NPFFR2: variants seen among roughly 807,000 people sequenced by gnomAD.
The protein encoded by NPFFR2 is neuropeptide FF receptor 2, also known as G-protein coupled receptor 74.
A neutral mutation model predicts 13.1 loss-of-function variants in NPFFR2; 15 were observed. The observed-to-expected ratio is 1.15, with a 90% CI of 0.77 to 1.76. NPFFR2 has a LOEUF of 1.76. NPFFR2 is among the 40% of genes most tolerant of loss of function. The probability of loss-of-function intolerance (pLI) is 0.00; values close to 1 mark genes in which losing one functional copy is unlikely to be tolerated. For missense variants in NPFFR2, 572 were observed against 503.5 expected (o/e 1.14, Z -1.30); for synonymous variants, 190 against 175.7 (o/e 1.08, Z -0.65).
At chr4:72,036,749 G>C (rs1439278699) in intron 1 of NPFFR2, among the ~76,000 whole-genome samples, 9 of 151,654 alleles carry the variant, frequency 5.9e-5, no homozygotes, top group Non-Finnish European at 1.3e-4. Flanking sequence ...TCTTGGACAG[G>C]AGGTATTTAG....
chr4:72,077,534 C>T (rs1720484001), intron 1 of NPFFR2, among the ~76,000 whole-genome samples: 1 of 152,124 alleles, frequency 6.6e-6, no homozygotes, highest in South Asian at 2.1e-4. Context: ...CGATTTCAGT[C>T]TGGCAGAAAA....
chr4:72,032,965 T>C lies in NPFFR2; in HGVS notation c.-8+765T>C, dbSNP rs191896536. On this transcript the variant is annotated intron_variant, in intron 1 of 3. Transcript: ENST00000308744. ...GAAATATTTATTTCTTTTTAAAAAATCTTAATGATAACATGAATTATACAA... is the reference window on the plus strand; with the variant it reads ...GAAATATTTATTTCTTTTTAAAAAACCTTAATGATAACATGAATTATACAA... 2.3e-4 allele frequency among the ~76,000 whole-genome samples: 35 copies of C among 152,326 alleles called. No homozygotes were observed. In the East Asian group the frequency reaches 5.0e-3, roughly 22 times the overall value.
chr4:72,127,854 T>G (rs1429352664), intron 1 of NPFFR2, among the ~76,000 whole-genome samples: 2 of 151,740 alleles, frequency 1.3e-5, no homozygotes, highest in Non-Finnish European at 2.9e-5. Context: ...CTAAGGTGGG[T>G]GGATCACTCG....
intron 1 of NPFFR2, among the ~76,000 whole-genome samples, chr4:72,044,827 T>A (rs1004880236): frequency 6.6e-6 from 1 of 152,170 alleles, no homozygotes; most frequent in Non-Finnish European, 1.5e-5. Flanking sequence ...TTTACAATTA[T>A]TTTCTCCCAT....
intron 1 of NPFFR2, among the ~76,000 whole-genome samples, chr4:72,080,161 T>C (rs1473441218): frequency 6.6e-6 from 1 of 151,722 alleles, no homozygotes; most frequent in Non-Finnish European, 1.5e-5. Context: ...TTGTTGTTTT[T>C]TTGTTTTGTT....
In NPFFR2 at chr4:72,032,190, C is replaced by A; in HGVS notation, c.-18C>A. ...TCTGGTTCCTGCCGCCGACAGGGCT[C>A]GCCGGGAGAGGTAACAGCATGGGCC... On this transcript the variant is annotated 5_prime_UTR_variant, in exon 1 of 4. Coordinates refer to ENST00000308744, the MANE Select transcript of NPFFR2 (RefSeq NM_004885.3). The A allele has an allele frequency of 6.2e-7, 1 of 1,608,508 alleles. No individual in the cohort carries two copies. Among genetic ancestry groups the A allele is most frequent in the Non-Finnish European group, 8.5e-7 (1 of 1,176,902 alleles).
At chr4:72,126,143 A>G (rs1345303788) in intron 1 of NPFFR2, among the ~76,000 whole-genome samples, 1 of 152,244 alleles carries the variant, frequency 6.6e-6, no homozygotes, top group South Asian at 2.1e-4. Flanking sequence ...AGCATATGAT[A>G]TACTTGCATC....
chr4:72,117,722 G>A (rs1478553292), intron 1 of NPFFR2, among the ~76,000 whole-genome samples: 1 of 152,198 alleles, frequency 6.6e-6, no homozygotes, highest in Non-Finnish European at 1.5e-5. Context: ...ACAGTGAACT[G>A]TTTCCCTGAT....
At chr4:72,048,094 G>A (rs1282728307) in intron 1 of NPFFR2, among the ~76,000 whole-genome samples, 1 of 152,016 alleles carries the variant, frequency 6.6e-6, no homozygotes, top group Non-Finnish European at 1.5e-5. Context: ...ACACATATAT[G>A]TTTATGTATA....
chr4:72,039,493 C>T (rs1719145338), intron 1 of NPFFR2: 1 of 577,646 alleles, frequency 1.7e-6, no homozygotes, highest in African/African-American at 2.0e-5. Flanking sequence ...ACTCTCAAAT[C>T]AATCTTTTTG....
intron 2 of NPFFR2, among the ~76,000 whole-genome samples, 190 bp downstream of exon 2, chr4:72,129,109 G>A (rs534162382): frequency 3.9e-5 from 6 of 152,274 alleles, no homozygotes; most frequent in Non-Finnish European, 7.4e-5. Flanking sequence ...AATTATATTA[G>A]AGAATGAGAA....
chr4:72,079,082 A>ACT (rs1284732461), intron 1 of NPFFR2, among the ~76,000 whole-genome samples: 1 of 146,408 alleles, frequency 6.8e-6, no homozygotes, highest in African/African-American at 2.6e-5. Context: ...ACACACACAC[A>ACT]CACACATCTG....
intron 1 of NPFFR2, among the ~76,000 whole-genome samples, chr4:72,069,868 A>G (rs559037949): frequency 6.6e-6 from 1 of 152,280 alleles, no homozygotes. Flanking sequence ...AGATTGGTAA[A>G]TATAAAAAAA....
chr4:72,097,932 A>T (rs1721116763), intron 1 of NPFFR2, among the ~76,000 whole-genome samples: 1 of 151,446 alleles, frequency 6.6e-6, no homozygotes, highest in Non-Finnish European at 1.5e-5. Flanking sequence ...GACCTTTCAG[A>T]TAGAGCTGAT....
Position 72,128,773 on chromosome 4 carries a change from T to C in NPFFR2, c.182T>C (p.Met61Thr), listed in dbSNP as rs762773059. 7 of 1,614,160 alleles carry C rather than the reference T, an allele frequency of 4.3e-6. No homozygotes were observed. The highest frequency in any genetic ancestry group is 5.9e-6 in the Non-Finnish European group (7 of 1,180,022). ...TTTCTGATCTTCTTTTTGTGCATGA[T>C]GGGAAATACTGTGGTTTGCTTTATT... is the stretch of plus-strand genomic sequence containing the variant. ...SYFLIFFLCMMGNTVVCFIVM... is the reference protein window; with the variant it reads ...SYFLIFFLCMTGNTVVCFIVM... The change falls in exon 2 of 4, where the codon ATG becomes ACG. Residue 61 changes from methionine to threonine, a missense_variant. Met to Thr is a moderately conservative substitution (Grantham distance 81, BLOSUM62 -1). Transcript: ENST00000308744.
At chr4:72,047,647 G>A (rs966857455) in intron 1 of NPFFR2, among the ~76,000 whole-genome samples, 2 of 152,122 alleles carry the variant, frequency 1.3e-5, no homozygotes, top group Admixed American at 1.3e-4. Flanking sequence ...ATATAGGATT[G>A]TTAGCTTAAT....
chr4:72,050,115 A>G (rs890621329), intron 1 of NPFFR2, among the ~76,000 whole-genome samples: 1 of 152,024 alleles, frequency 6.6e-6, no homozygotes, highest in African/African-American at 2.4e-5. Context: ...TGCCTATGTA[A>G]TGAATATCCT....
intron 1 of NPFFR2, among the ~76,000 whole-genome samples, chr4:72,086,710 A>G (rs1037805799): frequency 3.9e-4 from 60 of 152,242 alleles, no homozygotes; most frequent in African/African-American, 1.2e-3. Context: ...CTCATTAACC[A>G]TATTGTATGC....
At chr4:72,132,642 A>G (rs1722285623) in intron 2 of NPFFR2, among the ~76,000 whole-genome samples, 1 of 152,160 alleles carries the variant, frequency 6.6e-6, no homozygotes, top group Non-Finnish European at 1.5e-5. Flanking sequence ...ATTTTTCTCC[A>G]CAATTTTGCC....
Sources: gnomAD v4.1 joint callset for allele counts (sites outside exome capture counted in the v4.1 genomes callset) on GRCh38, gnomAD v4.1.1 for gene constraint, MANE v1.5 for transcripts, NCBI Gene and HGNC (gene_info 2026-07-23, HGNC 2026-07-21) for gene names.